Variants in AP3S2 observed in about 807,000 individuals in gnomAD.
AP3S2 encodes the protein AP-3 complex subunit sigma-2.
Under a neutral mutation model 23.4 loss-of-function variants are expected in AP3S2, and 22 were observed. The ratio of observed to expected loss-of-function variants is 0.94; its 90% confidence interval spans 0.67 to 1.34. AP3S2 has a LOEUF of 1.34. Among genes scored for constraint, AP3S2 ranks in the 40% most tolerant of loss-of-function variants. The pLI, the probability that AP3S2 is intolerant of heterozygous loss-of-function variation, is 0.00. For missense variants in AP3S2, 241 were observed against 236.9 expected (o/e 1.02, Z -0.11); for synonymous variants, 86 against 87.1 (o/e 0.99, Z 0.07).
At chr15:89,877,208 A>T (rs1896462671) in intron 3 of AP3S2, 1 of 709,028 alleles carries the variant, frequency 1.4e-6, no homozygotes, top group Non-Finnish European at 2.3e-6. Flanking sequence ...GATGCTCAGT[A>T]TGAAAAGGCA....
At chr15:89,875,145 G>A (rs934770284) in intron 3 of AP3S2, among the ~76,000 whole-genome samples, 1 of 152,206 alleles carries the variant, frequency 6.6e-6, no homozygotes, top group East Asian at 1.9e-4. Context: ...TGCTAAAAGC[G>A]GCACGTGGAG....
At chr15:89,835,729 A>G in intron 5 of AP3S2, 86 bp from the exon 6 acceptor site, 1 of 1,479,824 alleles carries the variant, frequency 6.8e-7, no homozygotes. Flanking sequence ...AAAAGCAAAA[A>G]CAAAAACAAA....
chr15:89,830,712 G>C lies in AP3S2; in HGVS notation c.*4803C>G, dbSNP rs1346528823. ...CCTGCCCTGGAGGGGCTTACATCCCGGCAGGGTAAACAGCCAGTAACTTCA... is the reference window on the plus strand; with the variant it reads ...CCTGCCCTGGAGGGGCTTACATCCCCGCAGGGTAAACAGCCAGTAACTTCA... On this transcript the variant is annotated 3_prime_UTR_variant, in exon 6 of 6. Transcript: ENST00000336418. 3 of 152,328 alleles carry C rather than the reference G, an allele frequency of 2.0e-5. No homozygotes were observed. In the East Asian group the frequency reaches 5.8e-4, roughly 29 times the overall value. The allele number at this position is 152,328 out of a possible 1,614,324, so 9.4% of individuals were successfully genotyped here. A position where few individuals can be genotyped will look rare whatever the true frequency, so the allele number is the denominator to read the frequency against.
intron 4 of AP3S2, among the ~76,000 whole-genome samples, chr15:89,868,763 C>T (rs1380849355): frequency 8.5e-6 from 1 of 117,390 alleles, no homozygotes; most frequent in Non-Finnish European, 1.8e-5. Flanking sequence ...CCGGCCGCCC[C>T]TACTGGGAAG....
At chr15:89,857,232 T>A (rs1035787735) in intron 4 of AP3S2, among the ~76,000 whole-genome samples, 4 of 152,206 alleles carry the variant, frequency 2.6e-5, no homozygotes, top group African/African-American at 9.6e-5. Flanking sequence ...TCCATCCACC[T>A]CGGCCTCCCA....
rs770541220 is a variant in AP3S2 at position 89,889,048 on chromosome 15, C to G, written c.161+1G>C. 6.2e-7 allele frequency: 1 copy of G among 1,614,148 alleles called. No individual in the cohort carries two copies. The highest frequency in any genetic ancestry group is 1.1e-5 in the South Asian group (1 of 91,076). On this transcript the variant is annotated splice_donor_variant, in intron 2 of 5. Transcript: ENST00000336418. LOFTEE classifies it high-confidence loss of function. ...GGAGAAAAATGAAGCTGACAGTTTACCTTCCACCCTCCAAGAAGTTACAGA... is the reference window on the plus strand; with the variant it reads ...GGAGAAAAATGAAGCTGACAGTTTAGCTTCCACCCTCCAAGAAGTTACAGA...
intron 4 of AP3S2, among the ~76,000 whole-genome samples, chr15:89,850,403 T>G (rs1895618408): frequency 6.6e-6 from 1 of 152,200 alleles, no homozygotes; most frequent in South Asian, 2.1e-4. Flanking sequence ...GCTGGCTGGT[T>G]TAGGGGCCAC....
chr15:89,856,285 G>A (rs1895833539), intron 4 of AP3S2, among the ~76,000 whole-genome samples: 1 of 152,194 alleles, frequency 6.6e-6, no homozygotes, highest in African/African-American at 2.4e-5. Flanking sequence ...GGCCTTGGCT[G>A]GGTGCAGTGG....
At chr15:89,872,704 G>A (rs995367509) in intron 3 of AP3S2, among the ~76,000 whole-genome samples, 7 of 152,164 alleles carry the variant, frequency 4.6e-5, no homozygotes, top group Non-Finnish European at 8.8e-5. Context: ...ACCCTGCAGC[G>A]GCTGCTGGGG....
At chr15:89,845,215 T>C (rs1895457498) in intron 4 of AP3S2, 1 of 152,148 alleles carries the variant, frequency 6.6e-6, no homozygotes, top group Non-Finnish European at 1.5e-5. Flanking sequence ...CCAGAATAAT[T>C]TTCTTTTCTC....
At chr15:89,839,079 C>G (rs760278663) in intron 4 of AP3S2, among the ~76,000 whole-genome samples, 2 of 152,154 alleles carry the variant, frequency 1.3e-5, no homozygotes, top group Non-Finnish European at 2.9e-5. Context: ...GCTTGACAAT[C>G]AAAAATGTCT....
At chr15:89,861,324 G>A (rs764696196) in intron 4 of AP3S2, among the ~76,000 whole-genome samples, 8 of 152,054 alleles carry the variant, frequency 5.3e-5, no homozygotes, top group African/African-American at 9.7e-5. Flanking sequence ...AAAATAAAGC[G>A]CTGGATAAAT....
At chr15:89,878,059 T>C (rs1158630505) in intron 3 of AP3S2, among the ~76,000 whole-genome samples, 2 of 152,206 alleles carry the variant, frequency 1.3e-5, no homozygotes, top group African/African-American at 4.8e-5. Flanking sequence ...TTTGTGTCTG[T>C]TATCTTGTGT....
intron 4 of AP3S2, among the ~76,000 whole-genome samples, chr15:89,869,738 T>G (rs1896273847): frequency 6.6e-6 from 1 of 152,110 alleles, no homozygotes; most frequent in South Asian, 2.1e-4. Flanking sequence ...AAGTAACACC[T>G]TGTATTTAAC....
intron 4 of AP3S2, among the ~76,000 whole-genome samples, chr15:89,867,077 A>T (rs1033510185): frequency 1.1e-4 from 15 of 134,536 alleles, no homozygotes; most frequent in African/African-American, 4.1e-4. Flanking sequence ...TGCGGAGCCG[A>T]AGCTGGACTG....
intron 1 of AP3S2, among the ~76,000 whole-genome samples, chr15:89,890,206 T>C (rs984912484): frequency 1.3e-5 from 2 of 152,104 alleles, no homozygotes; most frequent in African/African-American, 4.8e-5. Flanking sequence ...TGTGCCACCA[T>C]GCCCGGCTAA....
chr15:89,865,261 T>C (rs980238304), intron 4 of AP3S2, among the ~76,000 whole-genome samples: 1 of 152,030 alleles, frequency 6.6e-6, no homozygotes, highest in Non-Finnish European at 1.5e-5. Flanking sequence ...TTATTATATA[T>C]ATTAGCACTG....
At chr15:89,858,493 AAGAGAGAGAGAG>A (rs143172663) in intron 4 of AP3S2, among the ~76,000 whole-genome samples, 5 of 60,236 alleles carry the variant, frequency 8.3e-5, no homozygotes, top group African/African-American at 1.5e-4. Flanking sequence ...GAAAGAAAGA[AAGAGAGAGAGAG>A]AGAGAGAGAG....
intron 4 of AP3S2, among the ~76,000 whole-genome samples, chr15:89,865,967 C>T (rs1007822727): frequency 2.6e-5 from 4 of 152,082 alleles, no homozygotes; most frequent in Non-Finnish European, 5.9e-5. Context: ...CTTTCAAAGT[C>T]ACCTTGGAGG....
Sources: allele counts gnomAD v4.1 joint callset (sites outside exome capture counted in the v4.1 genomes callset), GRCh38; gene constraint gnomAD v4.1.1; transcripts MANE v1.5; gene names NCBI Gene and HGNC (gene_info 2026-07-23, HGNC 2026-07-21).